CCND2: variants seen among roughly 807,000 people sequenced by gnomAD.
CCND2 encodes the protein G1/S-specific cyclin-D2.
A neutral mutation model predicts 30.2 loss-of-function variants in CCND2; 6 were observed. The observed-to-expected ratio is 0.20, with a 90% CI of 0.11 to 0.39. The LOEUF is 0.39. CCND2 is among the 10% of genes least tolerant of loss of function. The pLI is 1.00. For missense variants in CCND2, 235 were observed against 373.4 expected, an observed-to-expected ratio of 0.63 and a Z score of 3.06; for synonymous variants, 150 against 153.1, an observed-to-expected ratio of 0.98 and a Z score of 0.15.
In CCND2 at chr12:4,304,582, C is replaced by T. The variant is rs928991622; in HGVS notation, c.*4573C>T. The T allele has an allele frequency of 1.3e-5, 3 of 233,570 alleles. No homozygotes were observed. Among genetic ancestry groups the T allele is most frequent in the Admixed American group, 5.6e-5 (1 of 17,784 alleles). 14.5% of individuals were successfully genotyped at this position (233,570 alleles called of 1,614,324 possible). A position where few individuals can be genotyped will look rare whatever the true frequency, so the allele number is the denominator to read the frequency against. ...CCCAGAATGGTCATTTCAGGCACAA[C>T]GATACTACATTCGTGTGTGTCTGCT... On this transcript the variant is annotated 3_prime_UTR_variant, in exon 5 of 5. Coordinates refer to ENST00000261254, the MANE Select transcript of CCND2 (RefSeq NM_001759.4). The surrounding 1 kb of genome is among the most constrained non-coding windows in gnomAD (Gnocchi z 6.2).
Position 4,305,205 on chromosome 12 carries a change from G to C in CCND2, c.*5196G>C, listed in dbSNP as rs1864300431. On this transcript the variant is annotated 3_prime_UTR_variant, in exon 5 of 5. Coordinates refer to ENST00000261254, the MANE Select transcript of CCND2 (RefSeq NM_001759.4). This position sits in a 1 kb window ranked among gnomAD's most constrained non-coding sequence, Gnocchi z 6.4. ...CTATGATGGTGACATGATATAGTCA[G>C]CTGCCTTTTAAGAGGTCTTATCTGT... 4.3e-6 allele frequency: 1 copy of C among 232,906 alleles called. No individual in the cohort carries two copies. Among genetic ancestry groups the C allele is most frequent in the Non-Finnish European group, 8.5e-6 (1 of 117,734 alleles). The allele number at this position is 232,906 out of a possible 1,614,324, so 14.4% of individuals were successfully genotyped here. A position where few individuals can be genotyped will look rare whatever the true frequency, so the allele number is the denominator to read the frequency against.
At chr12:4,281,220 A>AG (rs1863943327) in intron 3 of CCND2, among the ~76,000 whole-genome samples, 1 of 152,174 alleles carries the variant, frequency 6.6e-6, no homozygotes, top group Non-Finnish European at 1.5e-5. Flanking sequence ...TCTGGAAAGG[A>AG]GGGGCCTGTA....
At position 4,288,865 on chromosome 12, in the gene CCND2, C is replaced by T. The variant is rs2120560543; in HGVS notation, c.595C>T (p.Pro199Ser). 1 of 1,613,374 alleles carries T rather than the reference C, an allele frequency of 6.2e-7. No individual in the cohort carries two copies. The highest frequency in any genetic ancestry group is 8.5e-7 in the Non-Finnish European group (1 of 1,179,738). Residue 199 changes from proline (P) to serine (S), a missense_variant, in exon 4 of 5, where the codon CCG becomes TCG. Physicochemically the swap from Pro to Ser is moderately conservative, Grantham distance 74 (BLOSUM62 -1). Transcript: ENST00000261254. ...ATDFKFAMYPPSMIATGSVGA... is the reference protein window; with the variant it reads ...ATDFKFAMYPSSMIATGSVGA... ...AGACTTTAAGTTTGCCATGTACCCA[C>T]CGTCGATGATCGCAACTGGAAGTGT...
chr12:4,300,062 T>A lies in CCND2; in HGVS notation c.*53T>A. The A allele has an allele frequency of 6.5e-7, 1 of 1,528,746 alleles. No homozygotes were observed. Among genetic ancestry groups the A allele is most frequent in the East Asian group, 2.3e-5 (1 of 42,668 alleles). The allele number at this position is 1,528,746 out of a possible 1,614,324, so 94.7% of individuals were successfully genotyped here. On this transcript the variant is annotated 3_prime_UTR_variant, in exon 5 of 5. Transcript: ENST00000261254. Reference sequence around the variant, plus strand: ...ACGCGTCCATAATCTGGTCTCTTCTTCTTTCTGGTTGTTTTTGTTCTTTGT... The same window carrying A: ...ACGCGTCCATAATCTGGTCTCTTCTACTTTCTGGTTGTTTTTGTTCTTTGT...
chr12:4,291,396 C>A (rs1313876080), intron 4 of CCND2, among the ~76,000 whole-genome samples: 2 of 152,092 alleles, frequency 1.3e-5, no homozygotes, highest in African/African-American at 4.8e-5. Context: ...TACCATTTCA[C>A]GAGTCACGAA....
At chr12:4,294,656 G>C (rs116197686) in intron 4 of CCND2, among the ~76,000 whole-genome samples, 34 of 152,310 alleles carry the variant, frequency 2.2e-4, no homozygotes, top group African/African-American at 7.7e-4. Flanking sequence ...CCTTTCTAAA[G>C]CCAGTCTGAG....
chr12:4,295,431 G>T (rs549527423), intron 4 of CCND2, among the ~76,000 whole-genome samples: 1 of 152,294 alleles, frequency 6.6e-6, no homozygotes, highest in East Asian at 1.9e-4. Context: ...CATTCATGGA[G>T]TGTACCTGCC....
Position 4,302,928 on chromosome 12 carries a change from C to T in CCND2, c.*2919C>T. ...CAGCAAGTAAGCTAGCCAGAGTTTT[C>T]TCAAGAGCCAGCTTTGCTCAGCACA... On this transcript the variant is annotated 3_prime_UTR_variant, in exon 5 of 5. Transcript: ENST00000261254. 1 of 233,244 alleles carries T rather than the reference C, an allele frequency of 4.3e-6. No individual in the cohort carries two copies. The highest frequency in any genetic ancestry group is 8.5e-6 in the Non-Finnish European group (1 of 118,100). 14.4% of individuals were successfully genotyped at this position (233,244 alleles called of 1,614,324 possible).
rs1294789617 is a variant in CCND2 at position 4,303,694 on chromosome 12, G to A, written c.*3685G>A. On this transcript the variant is annotated 3_prime_UTR_variant, in exon 5 of 5. Coordinates refer to ENST00000261254, the MANE Select transcript of CCND2 (RefSeq NM_001759.4). The surrounding 1 kb of genome is among the most constrained non-coding windows in gnomAD (Gnocchi z 4.6). ...ACAGCCAAGAAGCCTGCAGGAGAAAGCCAAGGGCAGTTCCCTCCGCAGAAC... is the reference window on the plus strand; with the variant it reads ...ACAGCCAAGAAGCCTGCAGGAGAAAACCAAGGGCAGTTCCCTCCGCAGAAC... 1 of 233,540 alleles carries A rather than the reference G, an allele frequency of 4.3e-6. No individual in the cohort carries two copies. 14.5% of individuals were successfully genotyped at this position (233,540 alleles called of 1,614,324 possible).
chr12:4,275,930 T>G, intron 1 of CCND2, 75 bp from the exon 2 acceptor site: 2 of 982,212 alleles, frequency 2.0e-6, no homozygotes, highest in Non-Finnish European at 1.5e-6. Flanking sequence ...GATTACGCTT[T>G]TTTATTCTTT....
At position 4,299,669 on chromosome 12, in the gene CCND2, G is replaced by A. The variant is rs1277394058; in HGVS notation, c.721-191G>A. Among the ~76,000 whole-genome samples the A allele has an allele frequency of 1.3e-5, 2 of 152,216 alleles. No homozygotes were observed. The highest frequency in any genetic ancestry group is 2.4e-5 in the African/African-American group (1 of 41,448). On this transcript the variant is annotated intron_variant, in intron 4 of 4. Coordinates refer to ENST00000261254, the MANE Select transcript of CCND2 (RefSeq NM_001759.4). This position sits in a 1 kb window ranked among gnomAD's most constrained non-coding sequence, Gnocchi z 5.2. ...CAAGCTCGCAGGTGATGCTGATGCTGCCAGCCCATGGACCCCACCTGGAGT... is the reference window on the plus strand; with the variant it reads ...CAAGCTCGCAGGTGATGCTGATGCTACCAGCCCATGGACCCCACCTGGAGT...
chr12:4,284,822 A>G (rs1482877091), intron 3 of CCND2, among the ~76,000 whole-genome samples: 1 of 145,986 alleles, frequency 6.8e-6, no homozygotes, highest in Non-Finnish European at 1.5e-5. Context: ...TGCAACCTCC[A>G]ACTCCCGGGT....
chr12:4,297,759 C>T (rs565528393), intron 4 of CCND2: 59 of 356,078 alleles, frequency 1.7e-4, no homozygotes, highest in Non-Finnish European at 3.0e-4. Flanking sequence ...TCATTCAGCT[C>T]AACAGGTCGG....
chr12:4,276,277 A>G lies in CCND2; in HGVS notation c.411+57A>G, dbSNP rs928577806. On this transcript the variant is annotated intron_variant, in intron 2 of 4. Coordinates refer to ENST00000261254, the MANE Select transcript of CCND2 (RefSeq NM_001759.4). This position sits in a 1 kb window ranked among gnomAD's most constrained non-coding sequence, Gnocchi z 4.8. ...TGCGATTCCCGCTTTCCCCTGGCCA[A>G]CAATATGCCTTCTATCACCACTGCC... The G allele has an allele frequency of 3.0e-5, 43 of 1,454,776 alleles. No homozygotes were observed. Among genetic ancestry groups the G allele is most frequent in the East Asian group, 1.2e-4 (5 of 42,432 alleles). 90.1% of individuals were successfully genotyped at this position (1,454,776 alleles called of 1,614,324 possible). A position where few individuals can be genotyped will look rare whatever the true frequency, so the allele number is the denominator to read the frequency against.
In CCND2 at chr12:4,287,478, G is replaced by A. The variant is rs114142145; in HGVS notation, c.572-1364G>A. 1.2e-3 allele frequency among the ~76,000 whole-genome samples: 180 copies of A among 152,174 alleles called. 1 individual carries two copies. The highest frequency in any genetic ancestry group is 4.0e-3 in the African/African-American group (167 of 41,488). On this transcript the variant is annotated intron_variant, in intron 3 of 4. Coordinates refer to ENST00000261254, the MANE Select transcript of CCND2 (RefSeq NM_001759.4). The surrounding 1 kb of genome is among the most constrained non-coding windows in gnomAD (Gnocchi z 4.0). Reference sequence around the variant, plus strand: ...TGTATGCTGTGTCTCCTGCCCCCACGTGCCCCTTCCATGTCTACACACAGT... The same window carrying A: ...TGTATGCTGTGTCTCCTGCCCCCACATGCCCCTTCCATGTCTACACACAGT...
Position 4,278,867 on chromosome 12 carries a change from G to T in CCND2, c.519G>T (p.Lys173Asn). ...GCAAGCTGCCCCAGCAGCGGGAGAAGCTGTCTCTGATCCGCAAGCATGCTC... is the reference window on the plus strand; with the variant it reads ...GCAAGCTGCCCCAGCAGCGGGAGAATCTGTCTCTGATCCGCAAGCATGCTC... ...ILRKLPQQRE[K>N]LSLIRKHAQT... The change falls in exon 3 of 5, where the codon AAG (lysine) becomes AAT (asparagine). Residue 173 changes from lysine to asparagine, a missense_variant. Transcript: ENST00000261254. 1 of 1,614,184 alleles carries T rather than the reference G, an allele frequency of 6.2e-7. No individual in the cohort carries two copies. The highest frequency in any genetic ancestry group is 1.1e-5 in the South Asian group (1 of 91,082).
At position 4,276,337 on chromosome 12, in the gene CCND2, A is replaced by C; in HGVS notation, c.411+117A>C. 1 of 792,254 alleles carries C rather than the reference A, an allele frequency of 1.3e-6. No individual in the cohort carries two copies. 49.1% of individuals were successfully genotyped at this position (792,254 alleles called of 1,614,324 possible). ...TCTTGGGATCCAGAATGACCCCACC[A>C]ATAGAATTTACCCACTTATGGGCGA... On this transcript the variant is annotated intron_variant, in intron 2 of 4. Coordinates refer to ENST00000261254, the MANE Select transcript of CCND2 (RefSeq NM_001759.4). The surrounding 1 kb of genome is among the most constrained non-coding windows in gnomAD (Gnocchi z 4.8).
At chr12:4,290,142 G>A (rs1219007504) in intron 4 of CCND2, among the ~76,000 whole-genome samples, 1 of 152,192 alleles carries the variant, frequency 6.6e-6, no homozygotes, top group African/African-American at 2.4e-5. Context: ...CGAGGGATAC[G>A]GGACAGGTTA....
rs1863879371 is a variant in CCND2, at chr12:4,276,743, T to C, written c.411+523T>C. Reference sequence around the variant, plus strand: ...CATTGACTTTTGAGCAAAGTCAAAATGTGGCCTTTCACTGAAGGAGTCCGA... The same window carrying C: ...CATTGACTTTTGAGCAAAGTCAAAACGTGGCCTTTCACTGAAGGAGTCCGA... On this transcript the variant is annotated intron_variant, in intron 2 of 4. Coordinates refer to ENST00000261254, the MANE Select transcript of CCND2 (RefSeq NM_001759.4). The surrounding 1 kb of genome is among the most constrained non-coding windows in gnomAD (Gnocchi z 4.8). Among the ~76,000 whole-genome samples the C allele has an allele frequency of 6.6e-6, 1 of 152,204 alleles. No homozygotes were observed. The highest frequency in any genetic ancestry group is 1.5e-5 in the Non-Finnish European group (1 of 68,042).
Sources: allele counts gnomAD v4.1 joint callset (sites outside exome capture counted in the v4.1 genomes callset), GRCh38; gene constraint gnomAD v4.1.1; non-coding constraint Gnocchi (gnomAD v3.1); transcripts MANE v1.5; gene names NCBI Gene and HGNC (gene_info 2026-07-23, HGNC 2026-07-21).